The following KAZN variants were observed in gnomAD, a reference collection of about 807,000 sequenced individuals.
KAZN encodes the protein kazrin.
KAZN carries 40 observed loss-of-function variants against 87.4 expected under a neutral mutation model. That is an observed-to-expected ratio of 0.46 (90% CI 0.36 to 0.60). KAZN has a LOEUF of 0.60. Ranked by LOEUF, KAZN falls within the 20% of genes least tolerant of loss-of-function variation. KAZN has a pLI of 0.00. For synonymous variants in KAZN, 466 were observed against 458.3 expected, an observed-to-expected ratio of 1.02 and a Z score of -0.22; for missense variants, 898 against 1,073.9, an observed-to-expected ratio of 0.84 and a Z score of 2.29.
chr1:14,537,822 G>A (rs898262148), intron 2 of KAZN, among the ~76,000 whole-genome samples: 2 of 152,210 alleles, frequency 1.3e-5, no homozygotes, highest in South Asian at 2.1e-4. Context: ...GAGCAATAGA[G>A]GGAAGATGAG....
intron 2 of KAZN, among the ~76,000 whole-genome samples, chr1:14,279,596 A>T (rs1052000205): frequency 6.6e-6 from 1 of 152,258 alleles, no homozygotes; most frequent in African/African-American, 2.4e-5. Flanking sequence ...GTCCAAAGCC[A>T]TAGCCCTGAG....
At chr1:14,024,286 T>C (rs1053352900) in intron 1 of KAZN, among the ~76,000 whole-genome samples, 5 of 152,212 alleles carry the variant, frequency 3.3e-5, no homozygotes, top group Admixed American at 6.5e-5. Flanking sequence ...TGAAAGTTTA[T>C]GCAGCCATTT....
intron 1 of KAZN, among the ~76,000 whole-genome samples, chr1:14,833,419 G>C (rs542862524): frequency 2.6e-5 from 4 of 152,302 alleles, no homozygotes; most frequent in African/African-American, 9.6e-5. Context: ...GAGTGAGACA[G>C]GGAAGGAAAG....
At chr1:14,805,529 C>T (rs1005240972) in intron 1 of KAZN, among the ~76,000 whole-genome samples, 8 of 152,114 alleles carry the variant, frequency 5.3e-5, no homozygotes, top group African/African-American at 7.2e-5. Flanking sequence ...GAGGCCAAGG[C>T]GGGCAGATAA....
intron 1 of KAZN, among the ~76,000 whole-genome samples, chr1:13,922,360 A>G (rs765812987): frequency 1.3e-5 from 2 of 152,196 alleles, no homozygotes; most frequent in Non-Finnish European, 1.5e-5. Flanking sequence ...CTGGCCTCTA[A>G]CATAGCACTT....
Position 14,599,227 on chromosome 1 carries a change from G to GGATC in KAZN, c.226+6_226+9dup. The GGATC allele has an allele frequency of 7.3e-7, 1 of 1,376,476 alleles. No homozygotes were observed. Among genetic ancestry groups the GGATC allele is most frequent in the Non-Finnish European group, 9.4e-7 (1 of 1,068,602 alleles). The allele number at this position is 1,376,476 out of a possible 1,614,324, so 85.3% of individuals were successfully genotyped here. ...AACCCCCAGCTTGGAGCGCAAGGTA[G>GGATC]GATCGCCCCGGCGCCCAGGGCGGAG... On this transcript the variant is annotated splice_donor_region_variant and intron_variant, in intron 1 of 14. Transcript: ENST00000376030. This position sits in a 1 kb window ranked among gnomAD's most constrained non-coding sequence, Gnocchi z 4.4.
At chr1:14,952,686 C>G (rs1662640043) in intron 1 of KAZN, among the ~76,000 whole-genome samples, 1 of 152,080 alleles carries the variant, frequency 6.6e-6, no homozygotes, top group African/African-American at 2.4e-5. Context: ...TTCCCTAGTT[C>G]TCTAGACTTG....
At chr1:14,875,414 T>C (rs1652653263) in intron 1 of KAZN, among the ~76,000 whole-genome samples, 1 of 150,932 alleles carries the variant, frequency 6.6e-6, no homozygotes, top group Non-Finnish European at 1.5e-5. Context: ...TGGTTGTTGT[T>C]ATCATTTATT....
Position 15,060,238 on chromosome 1 carries a change from G to A in KAZN, c.983G>A (p.Gly328Asp), listed in dbSNP as rs760250959. ...SVISDASAAE[G>D]DRSSTPSDIN... ...ATCTCCGACGCATCTGCCGCCGAAGGCGACCGGTCGTCCACACCGAGCGAC... is the reference window on the plus strand; with the variant it reads ...ATCTCCGACGCATCTGCCGCCGAAGACGACCGGTCGTCCACACCGAGCGAC... The change falls in exon 6 of 15, where the codon GGC (glycine) becomes GAC (aspartate). Residue 328 changes from glycine to aspartate, a missense_variant. Around this residue, in one of 3 missense-constraint regions of KAZN, gnomAD observed 521 missense variants for 689.4 expected, o/e 0.76. Coordinates refer to ENST00000376030, the MANE Select transcript of KAZN (RefSeq NM_201628.3). The A allele has an allele frequency of 1.9e-6, 3 of 1,614,218 alleles. No homozygotes were observed. The highest frequency in any genetic ancestry group is 1.7e-5 in the Admixed American group (1 of 60,030).
chr1:14,133,629 A>G (rs1300192902), intron 1 of KAZN, among the ~76,000 whole-genome samples: 1 of 152,074 alleles, frequency 6.6e-6, no homozygotes, highest in Non-Finnish European at 1.5e-5. Context: ...GTTGGGATGG[A>G]TGCGTGGTGA....
chr1:14,221,115 G>A (rs920292092), intron 2 of KAZN, among the ~76,000 whole-genome samples: 15 of 152,040 alleles, frequency 9.9e-5, no homozygotes, highest in Non-Finnish European at 2.1e-4. Context: ...GTGTTTATTA[G>A]CCCTGAGGAT....
chr1:14,662,162 G>A lies in KAZN; in HGVS notation c.226+62939G>A, dbSNP rs952685176. Among the ~76,000 whole-genome samples the A allele has an allele frequency of 9.2e-5, 14 of 152,132 alleles. 1 individual carries two copies. Among genetic ancestry groups the A allele is most frequent in the African/African-American group, 3.4e-4 (14 of 41,424 alleles). ...CCCAGGGGAGTGGTCAACTCCATCA[G>A]CTTCATTATTTCCTCTCCCCCAGGG... On this transcript the variant is annotated intron_variant, in intron 1 of 14. Transcript: ENST00000376030.
chr1:14,137,599 A>G (rs547208032), intron 1 of KAZN, among the ~76,000 whole-genome samples: 19 of 152,082 alleles, frequency 1.2e-4, no homozygotes, highest in Non-Finnish European at 2.6e-4. Context: ...GAATGATAAT[A>G]ATATTCATTT....
chr1:14,743,441 A>T (rs1644171154), intron 1 of KAZN, among the ~76,000 whole-genome samples: 1 of 151,938 alleles, frequency 6.6e-6, no homozygotes, highest in Non-Finnish European at 1.5e-5. Context: ...AAAAAAAAAA[A>T]AAGTACATAC....
At chr1:13,983,203 G>T (rs372072551) in intron 1 of KAZN, among the ~76,000 whole-genome samples, 188 of 152,372 alleles carry the variant, frequency 1.2e-3, no homozygotes, top group Non-Finnish European at 2.2e-3. Flanking sequence ...ACTGGGTGCC[G>T]TGGAGCAAGG....
chr1:14,635,102 A>C (rs1376167098), intron 1 of KAZN, among the ~76,000 whole-genome samples: 2 of 152,204 alleles, frequency 1.3e-5, no homozygotes, highest in Admixed American at 6.5e-5. Flanking sequence ...TTGAATGCCA[A>C]GTTGTTTGTA....
At chr1:14,153,922 T>C (rs955621674) in intron 1 of KAZN, among the ~76,000 whole-genome samples, 12 of 152,182 alleles carry the variant, frequency 7.9e-5, no homozygotes, top group African/African-American at 2.7e-4. Context: ...TAGTATAATT[T>C]AAAGTCAGGT....
At chr1:14,606,233 C>A (rs372334879) in intron 1 of KAZN, among the ~76,000 whole-genome samples, 1 of 152,326 alleles carries the variant, frequency 6.6e-6, no homozygotes, top group East Asian at 1.9e-4. Flanking sequence ...CTCTGCCCTG[C>A]CTCCTAAGTC....
chr1:14,278,359 C>T (rs1652566109), intron 2 of KAZN, among the ~76,000 whole-genome samples: 1 of 146,574 alleles, frequency 6.8e-6, no homozygotes, highest in South Asian at 2.2e-4. Context: ...GGTACAATCT[C>T]TGCTCATTGC....
Sources: allele counts gnomAD v4.1 joint callset (sites outside exome capture counted in the v4.1 genomes callset), GRCh38; gene constraint gnomAD v4.1.1; regional missense constraint gnomAD v4.1.1; non-coding constraint Gnocchi (gnomAD v3.1); transcripts MANE v1.5; gene names NCBI Gene and HGNC (gene_info 2026-07-23, HGNC 2026-07-21).